VNN2: variants seen among roughly 807,000 people sequenced by gnomAD.
The protein encoded by VNN2 is vanin 2, also known as pantetheine hydrolase VNN2.
In VNN2, 43 loss-of-function variants were observed where a neutral mutation model predicts 43.0. The observed-to-expected ratio is 1.00, with a 90% CI of 0.78 to 1.29. The LOEUF (loss-of-function observed/expected upper bound fraction) is 1.29, where lower values mean the gene tolerates loss of function less well. Ranked by LOEUF, VNN2 falls within the 50% of genes most tolerant of loss-of-function variation. The pLI, the probability that VNN2 is intolerant of heterozygous loss-of-function variation, is 0.00. For synonymous variants in VNN2, 230 were observed against 224.3 expected (o/e 1.03, Z -0.23); for missense variants, 652 against 619.7 (o/e 1.05, Z -0.55).
At chr6:132,759,565 T>C (rs917145123), upstream of VNN2, among the ~76,000 whole-genome samples, 63 of 152,276 alleles carry the variant, frequency 4.1e-4, no homozygotes, top group African/African-American at 1.5e-3. Flanking sequence ...ATTTGTTTTA[T>C]TTTTATCCAG....
At chr6:132,757,971 A>T, upstream of VNN2, 3 of 933,114 alleles carry the variant, frequency 3.2e-6, no homozygotes, top group Non-Finnish European at 4.5e-6. Context: ...TGTGGCTGCC[A>T]GTTACTGGCC....
upstream of VNN2, among the ~76,000 whole-genome samples, chr6:132,759,675 G>A (rs560757463): frequency 7.2e-4 from 110 of 152,238 alleles, 1 homozygote; most frequent in African/African-American, 2.6e-3. Flanking sequence ...TGAGATAAAT[G>A]TTTTGTTAAG....
intron 4 of VNN2, 101 bp downstream of exon 4, chr6:132,752,360 A>C (rs1215896827): frequency 1.4e-6 from 2 of 1,386,944 alleles, no homozygotes; most frequent in Non-Finnish European, 1.9e-6. Flanking sequence ...AAACACAGTA[A>C]GAATTTCCAA....
upstream of VNN2, among the ~76,000 whole-genome samples, chr6:132,758,228 A>G (rs1175177062): frequency 1.3e-5 from 2 of 151,618 alleles, no homozygotes; most frequent in Non-Finnish European, 2.9e-5. Flanking sequence ...TATTTTTAGT[A>G]GAGATGGGGT....
At chr6:132,760,895 A>G (rs1780723469), upstream of VNN2, 1 of 152,194 alleles carries the variant, frequency 6.6e-6, no homozygotes, top group African/African-American at 2.4e-5. Flanking sequence ...TAAAATCAAG[A>G]TGACTAAATT....
At chr6:132,758,089 G>A (rs1451256264), upstream of VNN2, 3 of 431,156 alleles carry the variant, frequency 7.0e-6, no homozygotes, top group Non-Finnish European at 1.1e-5. Flanking sequence ...CTGTCACCCA[G>A]GCTGGAATGC....
Position 132,744,481 on chromosome 6 carries a change from T to C in VNN2, c.1382A>G (p.Asp461Gly), listed in dbSNP as rs770745845. 4 of 1,578,134 alleles carry C rather than the reference T, an allele frequency of 2.5e-6. No homozygotes were observed. Among genetic ancestry groups the C allele is most frequent in the Non-Finnish European group, 3.4e-6 (4 of 1,166,884 alleles). ...LSPGKFEVLK[D>G]GRLVNKNGSS... ...TCCATTCTTGTTTACCAAACGCCCATCTTTCAGCACCTAAAGAAAAGGTGG... is the reference window on the plus strand; with the variant it reads ...TCCATTCTTGTTTACCAAACGCCCACCTTTCAGCACCTAAAGAAAAGGTGG... Residue 461 changes from aspartate to glycine, a missense_variant, in exon 7 of 7, where the codon GAT (aspartate) becomes GGT (glycine). Physicochemically the swap from Asp to Gly is moderately conservative, Grantham distance 94. Coordinates refer to ENST00000326499, the MANE Select transcript of VNN2 (RefSeq NM_004665.6).
intron 5 of VNN2, 96 bp downstream of exon 5, chr6:132,751,049 G>C: frequency 6.7e-7 from 1 of 1,484,354 alleles, no homozygotes; most frequent in Non-Finnish European, 9.0e-7. Flanking sequence ...ATGGAGTCAA[G>C]CCAAGGAAAA....
upstream of VNN2, among the ~76,000 whole-genome samples, chr6:132,762,459 T>A (rs1253139383): frequency 6.6e-6 from 1 of 152,188 alleles, no homozygotes; most frequent in Admixed American, 6.5e-5. Context: ...ACCAAAAAAG[T>A]ACAATACTGT....
intron 3 of VNN2, chr6:132,752,971 C>T: frequency 2.1e-6 from 1 of 481,822 alleles, no homozygotes; most frequent in Non-Finnish European, 3.6e-6. Flanking sequence ...TCCCTTCTCT[C>T]TCTTTCCCTC....
chr6:132,757,292 T>G, intron 2 of VNN2, 124 bp downstream of exon 2: 21 of 1,169,940 alleles, frequency 1.8e-5, no homozygotes, highest in South Asian at 2.4e-5. Context: ...TGACAAATGT[T>G]GAGATAAATA....
upstream of VNN2, chr6:132,758,060 T>TTGAGGCGGAG (rs1780614844): frequency 1.9e-6 from 1 of 518,344 alleles, no homozygotes; most frequent in Non-Finnish European, 3.0e-6. Flanking sequence ...TTTTTTTTTT[T>TTGAGGCGGAG]TTTGAGGCGG....
chr6:132,745,475 C>A (rs1051684275), intron 6 of VNN2, among the ~76,000 whole-genome samples: 6 of 152,312 alleles, frequency 3.9e-5, no homozygotes, highest in African/African-American at 1.2e-4. Context: ...CTCAGCCTCC[C>A]AAAGTGCTGG....
chr6:132,758,673 ATACT>A (rs913505700), upstream of VNN2, among the ~76,000 whole-genome samples: 1 of 152,196 alleles, frequency 6.6e-6, no homozygotes, highest in Admixed American at 6.5e-5. Context: ...AAAATATTAA[ATACT>A]TACTACTAAG....
upstream of VNN2, among the ~76,000 whole-genome samples, chr6:132,758,717 A>C (rs1780647837): frequency 6.6e-6 from 1 of 151,134 alleles, no homozygotes; most frequent in African/African-American, 2.4e-5. Context: ...TATTGATAAC[A>C]AAATTTACCC....
chr6:132,750,324 C>A (rs1779979092), intron 5 of VNN2, among the ~76,000 whole-genome samples: 1 of 151,792 alleles, frequency 6.6e-6, no homozygotes. Context: ...TAAAAAGTTT[C>A]ATCTTTAAAA....
chr6:132,755,866 T>G lies in VNN2; in HGVS notation c.514A>C (p.Lys172Gln). 1 of 1,612,722 alleles carries G rather than the reference T, an allele frequency of 6.2e-7. No individual in the cohort carries two copies. Among genetic ancestry groups the G allele is most frequent in the Non-Finnish European group, 8.5e-7 (1 of 1,179,380 alleles). ...NTNVVYNTEG[K>Q]LVARYHKYHL... ...ACCTTATGGTAACGTGCCACGAGTT[T>G]TCCTTCTGTATTATACACCACATTG... Residue 172 changes from lysine (K) to glutamine (Q), a missense_variant, in exon 3 of 7, where the codon AAA becomes CAA. Lys to Gln is a moderately conservative substitution (Grantham distance 53). Transcript: ENST00000326499.
At chr6:132,752,410 T>C (rs754280575) in intron 4 of VNN2, 51 bp downstream of exon 4, 3 of 1,545,330 alleles carry the variant, frequency 1.9e-6, no homozygotes, top group Non-Finnish European at 2.6e-6. Flanking sequence ...GAGGCATTCA[T>C]TTCTCTGCAC....
chr6:132,754,164 A>G (rs1179770907), intron 3 of VNN2, among the ~76,000 whole-genome samples: 1 of 152,192 alleles, frequency 6.6e-6, no homozygotes, highest in African/African-American at 2.4e-5. Flanking sequence ...ACAGAATGGC[A>G]GAATAGCTTC....
Sources: gnomAD v4.1 joint callset for allele counts (sites outside exome capture counted in the v4.1 genomes callset) on GRCh38, gnomAD v4.1.1 for gene constraint, MANE v1.5 for transcripts, NCBI Gene and HGNC (gene_info 2026-07-23, HGNC 2026-07-21) for gene names.